Variants in ELAVL2 observed in about 807,000 individuals in gnomAD.
ELAVL2 encodes the protein ELAV-like protein 2.
In ELAVL2, 4 loss-of-function variants were observed where a neutral mutation model predicts 34.6. The observed-to-expected ratio is 0.12, with a 90% CI of 0.06 to 0.26. ELAVL2 has a LOEUF of 0.26. Ranked by LOEUF, ELAVL2 falls within the 10% of genes least tolerant of loss-of-function variation. The probability of loss-of-function intolerance (pLI) is 1.00; values close to 1 mark genes in which losing one functional copy is unlikely to be tolerated. For missense variants in ELAVL2, 432 were observed against 442.8 expected, an observed-to-expected ratio of 0.98 and a Z score of 0.22; for synonymous variants, 193 against 154.8, an observed-to-expected ratio of 1.25 and a Z score of -1.83.
chr9:23,788,393 G>A (rs1293920571), intron 1 of ELAVL2, among the ~76,000 whole-genome samples: 1 of 152,122 alleles, frequency 6.6e-6, no homozygotes, highest in Non-Finnish European at 1.5e-5. Context: ...AGATATGGCA[G>A]TCCCCTTTTT....
intron 2 of ELAVL2, among the ~76,000 whole-genome samples, chr9:23,732,313 G>A (rs914794858): frequency 2.0e-5 from 3 of 152,138 alleles, no homozygotes; most frequent in Non-Finnish European, 4.4e-5. Flanking sequence ...GAAAAGAGAA[G>A]GCTAAATACA....
chr9:23,742,827 T>C (rs1239077383), intron 2 of ELAVL2, among the ~76,000 whole-genome samples: 1 of 152,170 alleles, frequency 6.6e-6, no homozygotes, highest in East Asian at 1.9e-4. Context: ...GAAGAGGTAG[T>C]TAATCAAGAG....
At chr9:23,788,452 T>TGAC (rs1447068688) in intron 1 of ELAVL2, among the ~76,000 whole-genome samples, 1 of 152,208 alleles carries the variant, frequency 6.6e-6, no homozygotes, top group Non-Finnish European at 1.5e-5. Context: ...CAGATAGAAC[T>TGAC]GACCCCTACC....
intron 5 of ELAVL2, among the ~76,000 whole-genome samples, chr9:23,697,286 T>C (rs369671566): frequency 1.3e-5 from 2 of 152,202 alleles, no homozygotes; most frequent in East Asian, 1.9e-4. Context: ...GAGCCGATTA[T>C]TTCTCCTACT....
intron 1 of ELAVL2, chr9:23,821,843 G>A (rs1351680620): frequency 3.3e-5 from 5 of 151,434 alleles, no homozygotes; most frequent in East Asian, 2.0e-4. Context: ...CGGTCCCGCC[G>A]TTTGTAGCGG....
At chr9:23,772,479 G>A (rs2057465531) in intron 1 of ELAVL2, among the ~76,000 whole-genome samples, 1 of 144,442 alleles carries the variant, frequency 6.9e-6, no homozygotes, top group African/African-American at 2.6e-5. Flanking sequence ...TTATTTAGCA[G>A]GACTTAGAGA....
intron 1 of ELAVL2, among the ~76,000 whole-genome samples, chr9:23,820,325 G>C (rs1220109405): frequency 1.3e-5 from 2 of 152,160 alleles, no homozygotes; most frequent in African/African-American, 4.8e-5. Context: ...AGGGCCACTA[G>C]AAAATTAAGT....
chr9:23,760,335 G>A (rs1287318518), intron 2 of ELAVL2, among the ~76,000 whole-genome samples: 2 of 151,862 alleles, frequency 1.3e-5, no homozygotes, highest in East Asian at 1.9e-4. Flanking sequence ...CTCTGTTCAT[G>A]CATCTTTCTT....
At chr9:23,699,945 T>A (rs892550898) in intron 5 of ELAVL2, among the ~76,000 whole-genome samples, 1 of 150,454 alleles carries the variant, frequency 6.6e-6, no homozygotes, top group African/African-American at 2.4e-5. Context: ...AAGGCCAACT[T>A]AAGTTGAAAT....
intron 1 of ELAVL2, among the ~76,000 whole-genome samples, chr9:23,768,967 A>G (rs2136235892): frequency 6.6e-6 from 1 of 152,300 alleles, no homozygotes; most frequent in Admixed American, 6.5e-5. Flanking sequence ...AGAGGCAAAG[A>G]CAAGCTTATC....
chr9:23,769,886 A>C (rs750667903), intron 1 of ELAVL2, among the ~76,000 whole-genome samples: 1 of 152,216 alleles, frequency 6.6e-6, no homozygotes, highest in Non-Finnish European at 1.5e-5. Context: ...CAGAGCTGGC[A>C]GGTTCAAAAG....
intron 3 of ELAVL2, among the ~76,000 whole-genome samples, chr9:23,717,338 C>T (rs144333942): frequency 3.3e-5 from 5 of 152,098 alleles, no homozygotes; most frequent in African/African-American, 4.8e-5. Flanking sequence ...TATGTTTCTA[C>T]GAGCAAATTA....
At chr9:23,788,269 G>T (rs1032826973) in intron 1 of ELAVL2, among the ~76,000 whole-genome samples, 1 of 152,204 alleles carries the variant, frequency 6.6e-6, no homozygotes, top group Non-Finnish European at 1.5e-5. Flanking sequence ...AGTTACAACT[G>T]TTAACTCTAC....
chr9:23,818,488 CCA>C (rs2064045585), intron 1 of ELAVL2, among the ~76,000 whole-genome samples: 1 of 152,160 alleles, frequency 6.6e-6, no homozygotes, highest in Non-Finnish European at 1.5e-5. Flanking sequence ...TAACCTCCCC[CCA>C]CACACACTCA....
intron 4 of ELAVL2, 26 bp from the exon 5 acceptor site, chr9:23,701,630 G>C: frequency 1.9e-6 from 3 of 1,605,760 alleles, no homozygotes; most frequent in Non-Finnish European, 2.6e-6. Flanking sequence ...GTAAAGATTT[G>C]GAAAAGAGGG....
chr9:23,821,048 G>A (rs1274063494), intron 1 of ELAVL2, among the ~76,000 whole-genome samples: 2 of 152,188 alleles, frequency 1.3e-5, no homozygotes, highest in South Asian at 2.1e-4. Flanking sequence ...AGAGCTCCAA[G>A]GACCGCGCGC....
chr9:23,711,369 C>T (rs905541459), intron 3 of ELAVL2, among the ~76,000 whole-genome samples: 4 of 152,270 alleles, frequency 2.6e-5, no homozygotes, highest in African/African-American at 7.2e-5. Flanking sequence ...AGAGATACCA[C>T]GGAATATATT....
At chr9:23,781,291 G>A (rs1180927643) in intron 1 of ELAVL2, among the ~76,000 whole-genome samples, 1 of 152,012 alleles carries the variant, frequency 6.6e-6, no homozygotes, top group Admixed American at 6.6e-5. Flanking sequence ...TTATGGTAAG[G>A]TCAAACTGCC....
rs112986992 is a variant in ELAVL2, at chr9:23,826,226, G to A, written c.-436C>T. 6.6e-6 allele frequency: 1 copy of A among 152,240 alleles called. No homozygotes were observed. The highest frequency in any genetic ancestry group is 1.5e-5 in the Non-Finnish European group (1 of 68,074). The allele number at this position is 152,240 out of a possible 1,614,324, so 9.4% of individuals were successfully genotyped here. On this transcript the variant is annotated 5_prime_UTR_variant, in exon 1 of 7. Coordinates refer to ENST00000397312, the MANE Select transcript of ELAVL2 (RefSeq NM_004432.5). ...CATCTCTAACTAAGAACAGAAATAG[G>A]GGGGAGGACGTCTTAAAAGGGAGGT...
Sources: gnomAD v4.1 joint callset for allele counts (sites outside exome capture counted in the v4.1 genomes callset) on GRCh38, gnomAD v4.1.1 for gene constraint, MANE v1.5 for transcripts, NCBI Gene and HGNC (gene_info 2026-07-23, HGNC 2026-07-21) for gene names.